The following LINGO2 variants were observed in gnomAD, a reference collection of about 807,000 sequenced individuals.
LINGO2 encodes the protein leucine rich repeat and Ig domain containing 2.
Under a neutral mutation model 30.6 loss-of-function variants are expected in LINGO2, and 14 were observed. That is an observed-to-expected ratio of 0.46 (90% CI 0.30 to 0.72). LINGO2 has a LOEUF of 0.72. Among genes scored for constraint, LINGO2 ranks in the 30% least tolerant of loss-of-function variants. The pLI is 0.07. For missense variants in LINGO2, 729 were observed against 751.7 expected, an observed-to-expected ratio of 0.97 and a Z score of 0.35; for synonymous variants, 317 against 288.5, an observed-to-expected ratio of 1.10 and a Z score of -1.00.
At chr9:28,385,914 A>AAC (rs1194161441) in intron 2 of LINGO2, among the ~76,000 whole-genome samples, 1 of 152,194 alleles carries the variant, frequency 6.6e-6, no homozygotes, top group African/African-American at 2.4e-5. Flanking sequence ...AACACAATTC[A>AAC]ATATATATCT....
intron 2 of LINGO2, among the ~76,000 whole-genome samples, chr9:28,437,725 A>G (rs541284268): frequency 2.0e-5 from 3 of 152,270 alleles, no homozygotes; most frequent in African/African-American, 4.8e-5. Flanking sequence ...AGGGAGCTAC[A>G]TACATCAGAC....
At chr9:28,812,996 A>G in the LINGO2 span, among the ~76,000 whole-genome samples, 1 of 152,074 alleles carries the variant, frequency 6.6e-6, no homozygotes, top group Admixed American at 6.5e-5. Flanking sequence ...ACATATACCA[A>G]TATAAAGTAG....
chr9:28,009,604 T>A (rs1400227109), intron 5 of LINGO2, among the ~76,000 whole-genome samples: 1 of 151,848 alleles, frequency 6.6e-6, no homozygotes, highest in East Asian at 1.9e-4. Flanking sequence ...ACTAAACACA[T>A]GAAAAAAATA....
intron 5 of LINGO2, among the ~76,000 whole-genome samples, chr9:28,003,382 G>GATAGATAGATAT (rs1406268724): frequency 1.8e-4 from 24 of 137,084 alleles, no homozygotes; most frequent in African/African-American, 6.4e-4. Context: ...TAGATAGATA[G>GATAGATAGATAT]ATATAGAGAG....
At chr9:29,127,546 G>A in the LINGO2 span, among the ~76,000 whole-genome samples, 1 of 152,152 alleles carries the variant, frequency 6.6e-6, no homozygotes, top group Non-Finnish European at 1.5e-5. Context: ...ACTCTGCAGT[G>A]AAACTGAAAG....
At chr9:28,134,631 G>C (rs929606459) in intron 4 of LINGO2, among the ~76,000 whole-genome samples, 2 of 152,212 alleles carry the variant, frequency 1.3e-5, no homozygotes, top group Non-Finnish European at 2.9e-5. Context: ...CCCCTGAAAT[G>C]TGAAAGTTAA....
intron 4 of LINGO2, among the ~76,000 whole-genome samples, chr9:28,119,222 C>A (rs896459903): frequency 6.6e-6 from 1 of 152,118 alleles, no homozygotes; most frequent in East Asian, 1.9e-4. Context: ...ACCCAATAAC[C>A]TTGTGAGGGT....
chr9:28,889,584 T>TA, the LINGO2 span, among the ~76,000 whole-genome samples: 1 of 152,084 alleles, frequency 6.6e-6, no homozygotes, highest in African/African-American at 2.4e-5. Context: ...CTTTTTCTAT[T>TA]AAAAAACCTT....
At chr9:28,609,900 G>A (rs775139928) in intron 1 of LINGO2, among the ~76,000 whole-genome samples, 1 of 151,990 alleles carries the variant, frequency 6.6e-6, no homozygotes. Context: ...TAAAATACGT[G>A]GCACCTATGA....
intron 2 of LINGO2, among the ~76,000 whole-genome samples, chr9:28,397,651 CA>C (rs1822105459): frequency 6.6e-6 from 1 of 150,548 alleles, no homozygotes; most frequent in African/African-American, 2.4e-5. Flanking sequence ...GGGTTCACAC[CA>C]TTCTCCTGCC....
At chr9:28,172,469 C>A (rs897063110) in intron 4 of LINGO2, among the ~76,000 whole-genome samples, 3 of 151,966 alleles carry the variant, frequency 2.0e-5, no homozygotes, top group Non-Finnish European at 2.9e-5. Context: ...ACCTAAGAAC[C>A]CTACATAGAA....
At chr9:28,810,250 T>C in the LINGO2 span, among the ~76,000 whole-genome samples, 1 of 152,220 alleles carries the variant, frequency 6.6e-6, no homozygotes, top group Non-Finnish European at 1.5e-5. Flanking sequence ...ATGGTGAATC[T>C]ACAAATTCCA....
intron 4 of LINGO2, among the ~76,000 whole-genome samples, chr9:28,236,069 G>A (rs928088874): frequency 6.6e-6 from 1 of 152,040 alleles, no homozygotes; most frequent in Admixed American, 6.6e-5. Flanking sequence ...ATAAAGAAAG[G>A]ATCCTAAAAG....
chr9:28,318,112 T>G (rs1194669743), intron 3 of LINGO2, among the ~76,000 whole-genome samples: 2 of 152,180 alleles, frequency 1.3e-5, no homozygotes, highest in Admixed American at 1.3e-4. Context: ...TTCACTGAGT[T>G]AATATCAGGC....
chr9:28,859,326 C>T, the LINGO2 span, among the ~76,000 whole-genome samples: 2 of 151,958 alleles, frequency 1.3e-5, no homozygotes, highest in Admixed American at 6.6e-5. Context: ...CTCAGTTACA[C>T]CACTTAAGTA....
chr9:28,952,722 C>T, the LINGO2 span, among the ~76,000 whole-genome samples: 1 of 152,110 alleles, frequency 6.6e-6, no homozygotes, highest in African/African-American at 2.4e-5. Context: ...ACCATCCAGA[C>T]TCAGTGGAAC....
the LINGO2 span, among the ~76,000 whole-genome samples, chr9:28,861,435 T>C: frequency 6.9e-6 from 1 of 145,948 alleles, no homozygotes; most frequent in Admixed American, 7.3e-5. Context: ...TTTAAACATA[T>C]CTATTCTCAT....
chr9:28,078,190 A>C (rs1459717576), intron 4 of LINGO2, among the ~76,000 whole-genome samples: 1 of 149,214 alleles, frequency 6.7e-6, no homozygotes, highest in Non-Finnish European at 1.5e-5. Context: ...AGAGGAGCAG[A>C]TATTTGCGAG....
the LINGO2 span, among the ~76,000 whole-genome samples, chr9:28,853,610 A>G: frequency 6.6e-6 from 1 of 152,012 alleles, no homozygotes; most frequent in Non-Finnish European, 1.5e-5. Context: ...ATTGACTAAC[A>G]GTTCCACATG....
Sources: allele counts gnomAD v4.1 joint callset (sites outside exome capture counted in the v4.1 genomes callset), GRCh38; gene constraint gnomAD v4.1.1; transcripts MANE v1.5; gene names NCBI Gene and HGNC (gene_info 2026-07-23, HGNC 2026-07-21).